RASSF6: variants seen among roughly 807,000 people sequenced by gnomAD.
RASSF6 encodes the protein ras association domain-containing protein 6.
RASSF6 carries 52 observed loss-of-function variants against 44.0 expected under a neutral mutation model. That is an observed-to-expected ratio of 1.18 (90% CI 0.95 to 1.49). The LOEUF (loss-of-function observed/expected upper bound fraction) is 1.49. Among genes scored for constraint, RASSF6 ranks in the 40% most tolerant of loss-of-function variants. The pLI is 0.00. For missense variants in RASSF6, 464 were observed against 393.3 expected, an observed-to-expected ratio of 1.18 and a Z score of -1.52; for synonymous variants, 162 against 124.6, an observed-to-expected ratio of 1.30 and a Z score of -2.00.
At chr4:73,580,264 G>C (rs1367547889) in intron 8 of RASSF6, among the ~76,000 whole-genome samples, 1 of 151,524 alleles carries the variant, frequency 6.6e-6, no homozygotes, top group Admixed American at 6.6e-5. Flanking sequence ...TCTTAATCCA[G>C]TCTATCATTG....
At chr4:73,593,260 C>A (rs1049107823) in intron 4 of RASSF6, among the ~76,000 whole-genome samples, 191 bp downstream of exon 4, 1 of 152,148 alleles carries the variant, frequency 6.6e-6, no homozygotes, top group Admixed American at 6.5e-5. Context: ...AGGTGATCCA[C>A]CTGCCTTGGC....
intron 4 of RASSF6, among the ~76,000 whole-genome samples, chr4:73,590,151 A>T (rs1724427600): frequency 6.6e-6 from 1 of 152,350 alleles, no homozygotes; most frequent in Non-Finnish European, 1.5e-5. Context: ...TGCCCATAGA[A>T]TTGTTTCCAT....
chr4:73,574,922 G>C lies in RASSF6; in HGVS notation c.*1313C>G, dbSNP rs1014643683. On this transcript the variant is annotated 3_prime_UTR_variant, in exon 11 of 11. Coordinates refer to ENST00000307439, the MANE Select transcript of RASSF6 (RefSeq NM_177532.5). The stretch of plus-strand genomic sequence containing the variant: ...CATTTGCCTCATTTAAGTGAGATGA[G>C]ACTATTTTCTTATTAATATTGACAG... 2 of 152,018 alleles carry C rather than the reference G, an allele frequency of 1.3e-5. No individual in the cohort carries two copies. The highest frequency in any genetic ancestry group is 4.8e-5 in the African/African-American group (2 of 41,374). 9.4% of individuals were successfully genotyped at this position (152,018 alleles called of 1,614,324 possible).
At chr4:73,597,912 G>A (rs112251615) in intron 3 of RASSF6, among the ~76,000 whole-genome samples, 14 of 152,170 alleles carry the variant, frequency 9.2e-5, no homozygotes, top group African/African-American at 3.4e-4. Context: ...GGGAGCTAAA[G>A]GATAAGCACA....
intron 4 of RASSF6, among the ~76,000 whole-genome samples, chr4:73,588,783 G>GTCGTCATCATCA (rs146078351): frequency 4.0e-5 from 6 of 148,592 alleles, no homozygotes; most frequent in African/African-American, 7.5e-5. Flanking sequence ...CATCTCCATT[G>GTCGTCATCATCA]TCATCATCAT....
chr4:73,605,429 A>G (rs1033311204), intron 2 of RASSF6, among the ~76,000 whole-genome samples: 6 of 152,210 alleles, frequency 3.9e-5, no homozygotes, highest in Non-Finnish European at 8.8e-5. Flanking sequence ...ATTCCTGTCC[A>G]TTTGAATCCT....
intron 2 of RASSF6, among the ~76,000 whole-genome samples, chr4:73,601,340 C>G (rs950386853): frequency 3.3e-5 from 5 of 152,180 alleles, no homozygotes; most frequent in African/African-American, 9.7e-5. Flanking sequence ...TCTGTTATAA[C>G]TGCAGAGATG....
intron 4 of RASSF6, among the ~76,000 whole-genome samples, chr4:73,591,434 A>T (rs899354697): frequency 1.6e-4 from 25 of 152,222 alleles, no homozygotes; most frequent in African/African-American, 6.0e-4. Context: ...AAATGCATCA[A>T]ATAGATGTGA....
chr4:73,576,352 T>C (rs1413301225), intron 10 of RASSF6, 42 bp from the exon 11 acceptor site: 1 of 1,479,294 alleles, frequency 6.8e-7, no homozygotes, highest in Non-Finnish European at 9.4e-7. Flanking sequence ...ATTGGACATA[T>C]TTTGTGCATT....
chr4:73,598,646 A>G lies in RASSF6; in HGVS notation c.138T>C (p.Tyr46=), dbSNP rs751353002. ...YENQKNLHIL[Y]GETEDGKLIV... ...CTTTCTTCAGTGGGCTTACCTCTCC[A>G]TATAAAATATGCAGATTTTTCTGGT... The change falls in exon 3 of 11, where the codon TAT becomes TAC. Residue 46 remains tyrosine (Y), a synonymous_variant. Transcript: ENST00000307439. The G allele has an allele frequency of 2.0e-6, 3 of 1,523,488 alleles. No homozygotes were observed. In the African/African-American group the frequency reaches 4.2e-5, roughly 21 times the overall value. 94.4% of individuals were successfully genotyped at this position (1,523,488 alleles called of 1,614,324 possible). A position where few individuals can be genotyped will look rare whatever the true frequency, so the allele number is the denominator to read the frequency against.
At position 73,576,170 on chromosome 4, in the gene RASSF6, T is replaced by C. The variant is rs543650732; in HGVS notation, c.*65A>G. On this transcript the variant is annotated 3_prime_UTR_variant, in exon 11 of 11. Coordinates refer to ENST00000307439, the MANE Select transcript of RASSF6 (RefSeq NM_177532.5). The stretch of plus-strand genomic sequence containing the variant: ...CGTATAAATGCAAGTACAGAACTTA[T>C]GCATTCATCAAAGAGTAATATCTCT... The C allele has an allele frequency of 2.4e-6, 2 of 835,616 alleles. No individual in the cohort carries two copies. Among genetic ancestry groups the C allele is most frequent in the East Asian group, 2.5e-5 (1 of 40,748 alleles). 51.8% of individuals were successfully genotyped at this position (835,616 alleles called of 1,614,324 possible).
At chr4:73,613,129 C>T (rs1175850990) in intron 1 of RASSF6, among the ~76,000 whole-genome samples, 1 of 152,122 alleles carries the variant, frequency 6.6e-6, no homozygotes, top group Non-Finnish European at 1.5e-5. Context: ...TTGATTTATA[C>T]CTTACTTTCT....
intron 3 of RASSF6, among the ~76,000 whole-genome samples, chr4:73,595,226 G>A (rs181576135): frequency 1.0e-3 from 156 of 152,028 alleles, no homozygotes; most frequent in African/African-American, 3.2e-3. Flanking sequence ...ACAGAGTCTC[G>A]CTCTGTCACC....
chr4:73,584,344 A>T (rs1322501545), intron 6 of RASSF6, among the ~76,000 whole-genome samples: 1 of 152,150 alleles, frequency 6.6e-6, no homozygotes, highest in Non-Finnish European at 1.5e-5. Context: ...TATTTATGAG[A>T]TGGAGCGATG....
chr4:73,579,250 A>G lies in RASSF6; in HGVS notation c.722-2519T>C, dbSNP rs115782528. ...GCTTTTTGTCCTTATAAACAGTGTT[A>G]CACATAAATCTGTAGGCACTAGTGC... is the stretch of plus-strand genomic sequence containing the variant. On this transcript the variant is annotated intron_variant, in intron 8 of 10. Transcript: ENST00000307439. Among the ~76,000 whole-genome samples, 601 of 152,250 alleles carry G rather than the reference A, an allele frequency of 3.9e-3. 4 individuals are homozygous for G. Among genetic ancestry groups the G allele is most frequent in the African/African-American group, 0.014 (578 of 41,532 alleles).
intron 7 of RASSF6, 97 bp from the exon 8 acceptor site, chr4:73,581,965 A>G (rs953301679): frequency 1.1e-6 from 1 of 925,016 alleles, no homozygotes; most frequent in Non-Finnish European, 1.7e-6. Flanking sequence ...TCTCTCTTCC[A>G]TTTTTCACTT....
At chr4:73,598,424 C>G (rs891884769) in intron 3 of RASSF6, among the ~76,000 whole-genome samples, 3 of 152,092 alleles carry the variant, frequency 2.0e-5, no homozygotes, top group African/African-American at 7.2e-5. Flanking sequence ...TATTCATATT[C>G]TATTTTTAAA....
At chr4:73,601,911 G>C (rs1039717307) in intron 2 of RASSF6, among the ~76,000 whole-genome samples, 7 of 152,196 alleles carry the variant, frequency 4.6e-5, no homozygotes, top group Non-Finnish European at 8.8e-5. Flanking sequence ...ACATGATACA[G>C]TTGCTGTGTG....
chr4:73,589,950 C>T (rs963754124), intron 4 of RASSF6, among the ~76,000 whole-genome samples: 1 of 152,152 alleles, frequency 6.6e-6, no homozygotes, highest in East Asian at 1.9e-4. Context: ...CAAATGTACA[C>T]CTGTCCAGTT....
Sources: gnomAD v4.1 joint callset for allele counts (sites outside exome capture counted in the v4.1 genomes callset) on GRCh38, gnomAD v4.1.1 for gene constraint, MANE v1.5 for transcripts, NCBI Gene and HGNC (gene_info 2026-07-23, HGNC 2026-07-21) for gene names.